The following ZBED4 variants were observed in gnomAD, a reference collection of about 807,000 sequenced individuals.
The protein encoded by ZBED4 is zinc finger BED-type containing 4, also known as zinc finger BED domain-containing protein 4.
A neutral mutation model predicts 15.5 loss-of-function variants in ZBED4; 4 were observed. That is an observed-to-expected ratio of 0.26 (90% CI 0.13 to 0.59). ZBED4 has a LOEUF of 0.59. ZBED4 is among the 20% of genes least tolerant of loss of function. ZBED4 has a pLI of 0.90. For missense variants in ZBED4, 1,323 were observed against 1,461.8 expected (o/e 0.91, Z 1.55); for synonymous variants, 692 against 608.5 (o/e 1.14, Z -2.02).
intron 1 of ZBED4, among the ~76,000 whole-genome samples, chr22:49,856,973 G>C (rs551282091): frequency 5.3e-5 from 8 of 152,324 alleles, no homozygotes; most frequent in African/African-American, 1.7e-4. Context: ...AGCTGATGCT[G>C]GCCTGGCCCT....
chr22:49,853,389 A>G (rs376792629), upstream of ZBED4: 3 of 152,060 alleles, frequency 2.0e-5, no homozygotes, highest in Non-Finnish European at 4.4e-5. Flanking sequence ...ACGAGGCCTG[A>G]CCGCACCGCA....
intron 1 of ZBED4, among the ~76,000 whole-genome samples, chr22:49,874,428 C>A (rs1601794021): frequency 6.6e-6 from 1 of 151,456 alleles, no homozygotes; most frequent in Non-Finnish European, 1.5e-5. Flanking sequence ...CTCTATCTCC[C>A]AGGCTGGAGT....
In ZBED4 at chr22:49,883,916, C is replaced by A; in HGVS notation, c.254C>A (p.Ala85Glu). The A allele has an allele frequency of 6.2e-7, 1 of 1,609,532 alleles. No homozygotes were observed. Among genetic ancestry groups the A allele is most frequent in the Non-Finnish European group, 8.5e-7 (1 of 1,177,182 alleles). ...GCAGAGAGTGAGGATGACTATGGCG[C>A]GCTGTTCTCCCAGTACAGCAGCACC... is the stretch of plus-strand genomic sequence containing the variant. ...LSAESEDDYG[A>E]LFSQYSSTLY... Residue 85 changes from alanine (A) to glutamate (E), a missense_variant, in exon 2 of 2, where the codon GCG becomes GAG. Ala to Glu is a moderately radical substitution (Grantham distance 107). This residue lies in a region of ZBED4 where 380 missense variants were observed against 413.7 expected (regional missense o/e 0.92). Transcript: ENST00000216268.
chr22:49,872,004 A>G (rs2060350713), intron 1 of ZBED4, among the ~76,000 whole-genome samples: 1 of 152,160 alleles, frequency 6.6e-6, no homozygotes, highest in South Asian at 2.1e-4. Context: ...TCGGCCTACC[A>G]AAGTGCTGGG....
intron 1 of ZBED4, among the ~76,000 whole-genome samples, chr22:49,880,749 T>C (rs2060404929): frequency 6.6e-6 from 1 of 152,264 alleles, no homozygotes; most frequent in Admixed American, 6.5e-5. Flanking sequence ...TTTAGACTTC[T>C]GTTTATCAGC....
chr22:49,856,862 C>G (rs2060277121), intron 1 of ZBED4, among the ~76,000 whole-genome samples: 1 of 151,142 alleles, frequency 6.6e-6, no homozygotes, highest in Non-Finnish European at 1.5e-5. Flanking sequence ...AGGTGAAGGC[C>G]GCGCTGCAAT....
In ZBED4 at chr22:49,887,342, C is replaced by A; in HGVS notation, c.*164C>A. The A allele has an allele frequency of 3.2e-6, 2 of 619,450 alleles. No individual in the cohort carries two copies. Among genetic ancestry groups the A allele is most frequent in the Non-Finnish European group, 5.3e-6 (2 of 376,308 alleles). 38.4% of individuals were successfully genotyped at this position (619,450 alleles called of 1,614,324 possible). A position where few individuals can be genotyped will look rare whatever the true frequency, so the allele number is the denominator to read the frequency against. ...AGTGTCTCCACGTGCCTTACCCCTT[C>A]TCCTTCAGGCCAAGTTTCGCGGGGT... On this transcript the variant is annotated 3_prime_UTR_variant, in exon 2 of 2. Coordinates refer to ENST00000216268, the MANE Select transcript of ZBED4 (RefSeq NM_014838.3).
At chr22:49,864,173 G>A (rs1444155821) in intron 1 of ZBED4, among the ~76,000 whole-genome samples, 1 of 152,142 alleles carries the variant, frequency 6.6e-6, no homozygotes, top group Non-Finnish European at 1.5e-5. Context: ...GCTTTCTGAC[G>A]GCAGGGCGTT....
intron 1 of ZBED4, among the ~76,000 whole-genome samples, chr22:49,875,134 T>C (rs1257884703): frequency 6.6e-6 from 1 of 152,206 alleles, no homozygotes; most frequent in African/African-American, 2.4e-5. Flanking sequence ...TTTCTTTTAT[T>C]GTAATGTCTT....
At chr22:49,855,411 C>T (rs1305979284) in intron 1 of ZBED4, among the ~76,000 whole-genome samples, 2 of 152,180 alleles carry the variant, frequency 1.3e-5, no homozygotes, top group African/African-American at 4.8e-5. Context: ...TGTAAAACCT[C>T]TGCTCTTTAA....
intron 1 of ZBED4, among the ~76,000 whole-genome samples, chr22:49,869,673 A>G (rs1447703602): frequency 6.6e-6 from 1 of 152,158 alleles, no homozygotes; most frequent in Non-Finnish European, 1.5e-5. Flanking sequence ...TCATGGAAAT[A>G]ATCTGATATA....
chr22:49,881,526 A>G (rs1370800082), intron 1 of ZBED4, among the ~76,000 whole-genome samples: 1 of 152,178 alleles, frequency 6.6e-6, no homozygotes, highest in Admixed American at 6.5e-5. Flanking sequence ...GCTGAGATAC[A>G]GGCACGCACC....
rs377079082 is a variant in ZBED4 at position 49,885,903 on chromosome 22, G to A, written c.2241G>A (p.Thr747=). Residue 747 remains threonine, a synonymous_variant, in exon 2 of 2, where the codon ACG becomes ACA. Coordinates refer to ENST00000216268, the MANE Select transcript of ZBED4 (RefSeq NM_014838.3). ...AGACCCGTGAGTACCTGACCCTCAC[G>A]GCCCACTGGGTTTCCTTCGAGTCGC... The part of the protein sequence containing the change: ...SNQTREYLTL[T]AHWVSFESPA... The A allele has an allele frequency of 5.6e-5, 58 of 1,031,870 alleles. No homozygotes were observed. The highest frequency in any genetic ancestry group is 7.8e-5 in the Non-Finnish European group (52 of 666,554). The allele number at this position is 1,031,870 out of a possible 1,614,324, so 63.9% of individuals were successfully genotyped here.
Position 49,887,142 on chromosome 22 carries a change from GA to G in ZBED4, c.3483del (p.Val1162Ter). On this transcript the variant is annotated frameshift_variant, in exon 2 of 2. Transcript: ENST00000216268. LOFTEE classifies it high-confidence loss of function. ...AACATTTTGAAAAACTTATCTTTTT[GA>G]AAGTGAATCTTCCCTTAATATACTT... ...MEHFEKLIFL[K>X]VNLPLIYFQY 1 of 1,613,302 alleles carries G rather than the reference GA, an allele frequency of 6.2e-7. No homozygotes were observed. Among genetic ancestry groups the G allele is most frequent in the Non-Finnish European group, 8.5e-7 (1 of 1,179,650 alleles).
rs114207006 is a variant in ZBED4, at chr22:49,882,561, C to T, written c.-329-773C>T. ...CATCTCCTACCCCACATGACTCCAT[C>T]GTCCTCCGAGCTTCGGCTCAGTTAC... On this transcript the variant is annotated intron_variant, in intron 1 of 1. Coordinates refer to ENST00000216268, the MANE Select transcript of ZBED4 (RefSeq NM_014838.3). 3.3e-3 allele frequency among the ~76,000 whole-genome samples: 497 copies of T among 152,338 alleles called. 2 individuals are homozygous for T. The highest frequency in any genetic ancestry group is 0.011 in the African/African-American group (469 of 41,574).
rs1471613645 is a variant in ZBED4, at chr22:49,885,711, G to A, written c.2049G>A (p.Arg683=). The stretch of plus-strand genomic sequence containing the variant: ...TTGTAGACAACGTTGGCTTTAACAG[G>A]CTGCTTGAATACTTGAAACCTCAGT... The part of the protein sequence containing the change: ...YSFVDNVGFN[R]LLEYLKPQYS... The change falls in exon 2 of 2, where the codon AGG becomes AGA. Residue 683 remains arginine (R), a synonymous_variant. Coordinates refer to ENST00000216268, the MANE Select transcript of ZBED4 (RefSeq NM_014838.3). 1 of 1,608,080 alleles carries A rather than the reference G, an allele frequency of 6.2e-7. No homozygotes were observed. The highest frequency in any genetic ancestry group is 8.5e-7 in the Non-Finnish European group (1 of 1,175,228).
chr22:49,874,813 G>A (rs888620831), intron 1 of ZBED4, among the ~76,000 whole-genome samples: 1 of 150,328 alleles, frequency 6.7e-6, no homozygotes, highest in African/African-American at 2.4e-5. Context: ...CTCCTGAGTA[G>A]CTGGGAAAAC....
intron 1 of ZBED4, among the ~76,000 whole-genome samples, chr22:49,873,753 C>T (rs897103731): frequency 6.6e-6 from 1 of 152,202 alleles, no homozygotes; most frequent in Non-Finnish European, 1.5e-5. Flanking sequence ...CCAAGAAAGG[C>T]TCAGAGAGAG....
upstream of ZBED4, among the ~76,000 whole-genome samples, chr22:49,853,614 C>A (rs1331427894): frequency 1.3e-5 from 2 of 152,072 alleles, no homozygotes. Context: ...ACTGCGCCTG[C>A]GTAGTTTGCC....
Sources: gnomAD v4.1 joint callset for allele counts (sites outside exome capture counted in the v4.1 genomes callset) on GRCh38, gnomAD v4.1.1 for gene constraint, gnomAD v4.1.1 regional missense constraint, MANE v1.5 for transcripts, NCBI Gene and HGNC (gene_info 2026-07-23, HGNC 2026-07-21) for gene names.